Variants in SNAP25 observed in about 807,000 individuals in gnomAD.
SNAP25 encodes the protein synaptosome associated protein 25, also known as synaptosomal-associated protein 25.
In SNAP25, 3 loss-of-function variants were observed where a neutral mutation model predicts 28.7. The observed-to-expected ratio is 0.10, with a 90% CI of 0.05 to 0.27. The LOEUF (loss-of-function observed/expected upper bound fraction) is 0.27, where lower values mean the gene tolerates loss of function less well. Among genes scored for constraint, SNAP25 ranks in the 10% least tolerant of loss-of-function variants. The probability of loss-of-function intolerance (pLI) is 1.00; values close to 1 mark genes in which losing one functional copy is unlikely to be tolerated. For missense variants in SNAP25, 117 were observed against 278.7 expected (o/e 0.42, Z 4.13); for synonymous variants, 61 against 88.1 (o/e 0.69, Z 1.72).
At chr20:10,262,968 T>C (rs1365901110) in intron 1 of SNAP25, among the ~76,000 whole-genome samples, 1 of 149,406 alleles carries the variant, frequency 6.7e-6, no homozygotes, top group Non-Finnish European at 1.5e-5. Flanking sequence ...AGGTACTTGC[T>C]GCCACTCCCA....
intron 7 of SNAP25, 121 bp from the exon 8 acceptor site, chr20:10,306,008 C>A (rs961547171): frequency 3.9e-6 from 3 of 759,526 alleles, no homozygotes; most frequent in African/African-American, 3.5e-5. Context: ...AAGGATGGCC[C>A]ATGCTGACCA....
chr20:10,252,769 T>C (rs1227878962), intron 1 of SNAP25, among the ~76,000 whole-genome samples: 3 of 151,972 alleles, frequency 2.0e-5, no homozygotes, highest in African/African-American at 4.8e-5. Flanking sequence ...TTTTTTTTTT[T>C]TTTTTAGCTT....
chr20:10,292,800 T>C (rs1391400532), intron 4 of SNAP25: 45 of 846,828 alleles, frequency 5.3e-5, no homozygotes, highest in Admixed American at 9.7e-5. Flanking sequence ...TTTCAAATTC[T>C]GTTTCACATA....
intron 1 of SNAP25, among the ~76,000 whole-genome samples, chr20:10,259,535 T>A (rs976453582): frequency 7.1e-6 from 1 of 141,352 alleles, no homozygotes; most frequent in Non-Finnish European, 1.6e-5. Context: ...GGACTTTTTT[T>A]ATTTTTATTT....
At chr20:10,260,721 AC>A (rs2063399019) in intron 1 of SNAP25, among the ~76,000 whole-genome samples, 7 of 146,562 alleles carry the variant, frequency 4.8e-5, no homozygotes, top group Non-Finnish European at 9.0e-5. Flanking sequence ...ACACACACAC[AC>A]AAACACACAC....
intron 1 of SNAP25, among the ~76,000 whole-genome samples, chr20:10,248,481 G>A (rs1294559668): frequency 2.6e-5 from 4 of 152,066 alleles, no homozygotes; most frequent in Admixed American, 1.3e-4. Flanking sequence ...TTATACATAC[G>A]GCATAACATG....
chr20:10,248,305 T>C (rs2063164768), intron 1 of SNAP25, among the ~76,000 whole-genome samples: 1 of 152,226 alleles, frequency 6.6e-6, no homozygotes, highest in Non-Finnish European at 1.5e-5. Flanking sequence ...AATTTTGCTG[T>C]TAACATTTTC....
intron 7 of SNAP25, among the ~76,000 whole-genome samples, chr20:10,300,392 G>A (rs2064206739): frequency 6.6e-6 from 1 of 152,050 alleles, no homozygotes; most frequent in Admixed American, 6.5e-5. Flanking sequence ...CTAAAAAGGA[G>A]AAAAAGAGAC....
chr20:10,305,779 G>A (rs1301860242), intron 7 of SNAP25, among the ~76,000 whole-genome samples: 1 of 152,096 alleles, frequency 6.6e-6, no homozygotes, highest in Non-Finnish European at 1.5e-5. Flanking sequence ...CAACAGATGT[G>A]AATGCCTACC....
At chr20:10,260,665 G>A (rs1034560366) in intron 1 of SNAP25, among the ~76,000 whole-genome samples, 1 of 148,604 alleles carries the variant, frequency 6.7e-6, no homozygotes, top group Non-Finnish European at 1.5e-5. Context: ...TAAGCCTTAG[G>A]TTAATGGCAT....
At chr20:10,223,609 TG>T (rs1310522821) in intron 1 of SNAP25, among the ~76,000 whole-genome samples, 4 of 151,336 alleles carry the variant, frequency 2.6e-5, no homozygotes, top group Admixed American at 2.0e-4. Flanking sequence ...TCAAGTAAGG[TG>T]AAGGAAGGAG....
intron 7 of SNAP25, among the ~76,000 whole-genome samples, chr20:10,304,261 A>G (rs1408995233): frequency 6.6e-6 from 1 of 152,200 alleles, no homozygotes; most frequent in Non-Finnish European, 1.5e-5. Context: ...AATAGTACAC[A>G]CTTTATAGTT....
At chr20:10,304,394 A>G (rs1197889866) in intron 7 of SNAP25, among the ~76,000 whole-genome samples, 2 of 152,196 alleles carry the variant, frequency 1.3e-5, no homozygotes, top group South Asian at 2.1e-4. Context: ...GACTCCCCCA[A>G]AATTTAACTA....
chr20:10,298,824 TCTTAATTTGAGTCTTAGAAATTTTGAGA>T (rs1378125834), intron 6 of SNAP25, among the ~76,000 whole-genome samples: 1 of 152,336 alleles, frequency 6.6e-6, no homozygotes, highest in East Asian at 1.9e-4. Context: ...TTTATTGTAT[TCTTAATTTGAGTCTTAGAAATTTTGAGA>T]CTTAATTTGA....
chr20:10,225,230 AG>A (rs1173656006), intron 1 of SNAP25, among the ~76,000 whole-genome samples: 4 of 117,464 alleles, frequency 3.4e-5, no homozygotes, highest in African/African-American at 1.0e-4. Flanking sequence ...CATGTCCCGG[AG>A]GGGAAAAAAA....
chr20:10,243,115 C>A (rs557227625), intron 1 of SNAP25, among the ~76,000 whole-genome samples: 1 of 152,168 alleles, frequency 6.6e-6, no homozygotes, highest in Non-Finnish European at 1.5e-5. Context: ...TCAGTGGTTT[C>A]CAGACCTTGC....
At chr20:10,220,789 G>A (rs973909550) in intron 1 of SNAP25, among the ~76,000 whole-genome samples, 3 of 152,174 alleles carry the variant, frequency 2.0e-5, no homozygotes, top group African/African-American at 7.2e-5. Flanking sequence ...GACCCCAAAT[G>A]AGAACTTGGA....
intron 1 of SNAP25, among the ~76,000 whole-genome samples, chr20:10,263,174 A>T (rs2063449155): frequency 6.6e-6 from 1 of 151,796 alleles, no homozygotes; most frequent in Non-Finnish European, 1.5e-5. Flanking sequence ...GCCCGCCACC[A>T]TGCCCGGCTA....
intron 1 of SNAP25, among the ~76,000 whole-genome samples, chr20:10,249,534 C>A (rs2063188450): frequency 6.6e-6 from 1 of 152,106 alleles, no homozygotes; most frequent in South Asian, 2.1e-4. Flanking sequence ...AAAAATAACC[C>A]TCCTGTGATG....
Sources: gnomAD v4.1 joint callset for allele counts (sites outside exome capture counted in the v4.1 genomes callset) on GRCh38, gnomAD v4.1.1 for gene constraint, MANE v1.5 for transcripts, NCBI Gene and HGNC (gene_info 2026-07-23, HGNC 2026-07-21) for gene names.